The following FAM168B variants were observed in gnomAD, a reference collection of about 807,000 sequenced individuals.
FAM168B encodes the protein myelin-associated neurite-outgrowth inhibitor.
In FAM168B, 19 loss-of-function variants were observed where a neutral mutation model predicts 21.8. The observed-to-expected ratio is 0.87, with a 90% confidence interval of 0.61 to 1.28. The LOEUF is 1.28. FAM168B is among the 50% of genes most tolerant of loss of function. The pLI, the probability that FAM168B is intolerant of heterozygous loss-of-function variation, is 0.00. For synonymous variants in FAM168B, 126 were observed against 104.8 expected, an observed-to-expected ratio of 1.20 and a Z score of -1.24; for missense variants, 233 against 263.1, an observed-to-expected ratio of 0.89 and a Z score of 0.79.
chr2:131,085,552 T>G (rs1014132182), intron 1 of FAM168B, among the ~76,000 whole-genome samples: 1 of 152,218 alleles, frequency 6.6e-6, no homozygotes, highest in Non-Finnish European at 1.5e-5. Context: ...CTTCAAATTT[T>G]CAGCTCATTT....
rs560424785 is a variant in FAM168B at position 131,052,303 on chromosome 2, T to C, written c.*162A>G. On this transcript the variant is annotated 3_prime_UTR_variant, in exon 7 of 7. Coordinates refer to ENST00000389915, the MANE Select transcript of FAM168B (RefSeq NM_001009993.4). ...CCAACCCACAGAGTCAGCTGGAGAC[T>C]AACGGCGCTGGGGCCTGCTGGGCCG... The C allele has an allele frequency of 1.0e-6, 1 of 985,970 alleles. No individual in the cohort carries two copies. Among genetic ancestry groups the C allele is most frequent in the African/African-American group, 1.7e-5 (1 of 57,374 alleles). 61.1% of individuals were successfully genotyped at this position (985,970 alleles called of 1,614,324 possible).
intron 5 of FAM168B, among the ~76,000 whole-genome samples, chr2:131,054,300 C>A (rs531620128): frequency 6.6e-6 from 1 of 151,692 alleles, no homozygotes; most frequent in African/African-American, 2.4e-5. Flanking sequence ...TAAGAGAAAT[C>A]TATTTTTCCT....
In FAM168B at chr2:131,051,157, T is replaced by C. The variant is rs1422640450; in HGVS notation, c.*1308A>G. 13 of 985,252 alleles carry C rather than the reference T, an allele frequency of 1.3e-5. No individual in the cohort carries two copies. In the East Asian group the frequency reaches 1.4e-3, roughly 103 times the overall value. 61.0% of individuals were successfully genotyped at this position (985,252 alleles called of 1,614,324 possible). A position where few individuals can be genotyped will look rare whatever the true frequency, so the allele number is the denominator to read the frequency against. Reference sequence around the variant, plus strand: ...CAAGTGCCCTCAGCTGCAAAAGAGATGGCAGGAGAGGCTCGCAGACAACAG... The same window carrying C: ...CAAGTGCCCTCAGCTGCAAAAGAGACGGCAGGAGAGGCTCGCAGACAACAG... On this transcript the variant is annotated 3_prime_UTR_variant, in exon 7 of 7. Coordinates refer to ENST00000389915, the MANE Select transcript of FAM168B (RefSeq NM_001009993.4).
In FAM168B at chr2:131,050,657, A is replaced by G; in HGVS notation, c.*1808T>C. 1.0e-6 allele frequency: 1 copy of G among 985,082 alleles called. No homozygotes were observed. The highest frequency in any genetic ancestry group is 1.2e-6 in the Non-Finnish European group (1 of 829,474). 61.0% of individuals were successfully genotyped at this position (985,082 alleles called of 1,614,324 possible). A position where few individuals can be genotyped will look rare whatever the true frequency, so the allele number is the denominator to read the frequency against. ...ACTTCTTATAAAATAAGATGTGAAA[A>G]AGAAAATTATAAGAAGTACTTACTA... On this transcript the variant is annotated 3_prime_UTR_variant, in exon 7 of 7. Coordinates refer to ENST00000389915, the MANE Select transcript of FAM168B (RefSeq NM_001009993.4).
At chr2:131,091,944 A>C (rs992416731) in intron 1 of FAM168B, among the ~76,000 whole-genome samples, 1 of 149,966 alleles carries the variant, frequency 6.7e-6, no homozygotes, top group East Asian at 2.0e-4. Flanking sequence ...CCTGGCTAAC[A>C]CGGTGAAACC....
chr2:131,090,014 A>AAAGCGAGACTCTTGTC (rs1167292721), intron 1 of FAM168B, among the ~76,000 whole-genome samples: 4 of 150,042 alleles, frequency 2.7e-5, no homozygotes, highest in Admixed American at 6.6e-5. Context: ...CCTGGGCGAC[A>AAAGCGAGACTCTTGTC]TGGACGCTCC....
chr2:131,051,592 T>C lies in FAM168B; in HGVS notation c.*873A>G, dbSNP rs1168897253. 2 of 985,304 alleles carry C rather than the reference T, an allele frequency of 2.0e-6. No homozygotes were observed. Among genetic ancestry groups the C allele is most frequent in the Non-Finnish European group, 1.2e-6 (1 of 829,908 alleles). The allele number at this position is 985,304 out of a possible 1,614,324, so 61.0% of individuals were successfully genotyped here. On this transcript the variant is annotated 3_prime_UTR_variant, in exon 7 of 7. Transcript: ENST00000389915. ...CATTTCTTCCATCCCAGGAAAATAA[T>C]TTAGTTTTACATAGGACTTTTCCAA...
intron 2 of FAM168B, among the ~76,000 whole-genome samples, chr2:131,072,933 TTGC>T (rs1474592572): frequency 6.6e-6 from 1 of 152,224 alleles, no homozygotes; most frequent in African/African-American, 2.4e-5. Context: ...GGGCCTATTT[TTGC>T]TGCTACCAGT....
chr2:131,057,877 C>A, intron 3 of FAM168B, among the ~76,000 whole-genome samples: 1 of 152,046 alleles, frequency 6.6e-6, no homozygotes, highest in East Asian at 1.9e-4. Flanking sequence ...ATTCCCTAGG[C>A]TGGAGTGTAG....
intron 3 of FAM168B, among the ~76,000 whole-genome samples, chr2:131,056,991 C>T (rs1692059193): frequency 6.6e-6 from 1 of 152,130 alleles, no homozygotes; most frequent in Non-Finnish European, 1.5e-5. Flanking sequence ...TATGACTGTC[C>T]AAACATACCA....
Position 131,049,670 on chromosome 2 carries a change from T to C in FAM168B, c.*2795A>G. On this transcript the variant is annotated 3_prime_UTR_variant, in exon 7 of 7. Coordinates refer to ENST00000389915, the MANE Select transcript of FAM168B (RefSeq NM_001009993.4). ...TATTTTTTAAATAGCCATCATGATG[T>C]CCATGTTTACATGAACTAGGTCCTT... 1 of 985,708 alleles carries C rather than the reference T, an allele frequency of 1.0e-6. No homozygotes were observed. Among genetic ancestry groups the C allele is most frequent in the Non-Finnish European group, 1.2e-6 (1 of 829,934 alleles). 61.1% of individuals were successfully genotyped at this position (985,708 alleles called of 1,614,324 possible). A position where few individuals can be genotyped will look rare whatever the true frequency, so the allele number is the denominator to read the frequency against.
intron 3 of FAM168B, among the ~76,000 whole-genome samples, chr2:131,056,473 A>G (rs1306046967): frequency 6.6e-6 from 1 of 152,114 alleles, no homozygotes; most frequent in Non-Finnish European, 1.5e-5. Context: ...AGCCCTGCAA[A>G]CTGCTGGCCA....
chr2:131,063,041 G>A (rs1692383740), intron 3 of FAM168B, among the ~76,000 whole-genome samples: 1 of 152,250 alleles, frequency 6.6e-6, no homozygotes, highest in African/African-American at 2.4e-5. Flanking sequence ...TAATGTGTAT[G>A]TGATACAAGT....
At chr2:131,089,338 T>A (rs954026124) in intron 1 of FAM168B, among the ~76,000 whole-genome samples, 5 of 152,090 alleles carry the variant, frequency 3.3e-5, no homozygotes, top group Admixed American at 6.6e-5. Context: ...GTTTGACACC[T>A]GCATTAGAAT....
chr2:131,059,016 G>C (rs1012420889), intron 3 of FAM168B, among the ~76,000 whole-genome samples: 1 of 152,180 alleles, frequency 6.6e-6, no homozygotes, highest in Non-Finnish European at 1.5e-5. Context: ...TTCCCCCTAA[G>C]TGACTAGCTA....
At chr2:131,076,907 A>G (rs1693183396) in intron 2 of FAM168B, among the ~76,000 whole-genome samples, 1 of 151,844 alleles carries the variant, frequency 6.6e-6, no homozygotes, top group Non-Finnish European at 1.5e-5. Flanking sequence ...ACTTCCGACT[A>G]GCAGAAATCC....
chr2:131,089,768 T>C (rs1317335787), intron 1 of FAM168B, among the ~76,000 whole-genome samples: 1 of 150,668 alleles, frequency 6.6e-6, no homozygotes, highest in Non-Finnish European at 1.5e-5. Context: ...GCATGGTGGC[T>C]CACGCCTGTA....
intron 6 of FAM168B, 108 bp from the exon 7 acceptor site, chr2:131,052,560 G>C: frequency 3.3e-6 from 3 of 897,584 alleles, no homozygotes; most frequent in Non-Finnish European, 4.2e-6. Flanking sequence ...GCAGCAATGG[G>C]CAAAACTGCT....
chr2:131,057,707 C>T lies in FAM168B; in HGVS notation c.155-2012G>A, dbSNP rs183074481. ...GCTGCAGTGAGCTGTAATTATGCCT[C>T]TGCATTCTGCCTGGGCGACAAAGTA... is the stretch of plus-strand genomic sequence containing the variant. On this transcript the variant is annotated intron_variant, in intron 3 of 6. Coordinates refer to ENST00000389915, the MANE Select transcript of FAM168B (RefSeq NM_001009993.4). Among the ~76,000 whole-genome samples the T allele has an allele frequency of 5.8e-3, 879 of 152,296 alleles. 13 individuals are homozygous for T. The highest frequency in any genetic ancestry group is 5.8e-3 in the Non-Finnish European group (396 of 68,022).
Sources: gnomAD v4.1 joint callset for allele counts (sites outside exome capture counted in the v4.1 genomes callset) on GRCh38, gnomAD v4.1.1 for gene constraint, MANE v1.5 for transcripts, NCBI Gene and HGNC (gene_info 2026-07-23, HGNC 2026-07-21) for gene names.